NLRP13: variants seen among roughly 807,000 people sequenced by gnomAD.
The protein encoded by NLRP13 is NACHT, LRR and PYD domains-containing protein 13.
Under a neutral mutation model 94.4 loss-of-function variants are expected in NLRP13, and 82 were observed. That is an observed-to-expected ratio of 0.87 (90% CI 0.73 to 1.04). The LOEUF (loss-of-function observed/expected upper bound fraction) is 1.04, where lower values mean the gene tolerates loss of function less well. NLRP13 is among the 50% of genes least tolerant of loss of function. The probability of loss-of-function intolerance (pLI) is 0.00; values close to 1 mark genes in which losing one functional copy is unlikely to be tolerated. For missense variants in NLRP13, 1,426 were observed against 1,230.8 expected, an observed-to-expected ratio of 1.16 and a Z score of -2.37; for synonymous variants, 553 against 464.7, an observed-to-expected ratio of 1.19 and a Z score of -2.45.
intron 8 of NLRP13, among the ~76,000 whole-genome samples, chr19:55,904,594 T>A (rs568429908): frequency 6.6e-6 from 1 of 152,206 alleles, no homozygotes; most frequent in East Asian, 1.9e-4. Context: ...ATGTCACTCA[T>A]AAAACTATAC....
At chr19:55,915,968 A>C (rs1481766777) in intron 4 of NLRP13, among the ~76,000 whole-genome samples, 1 of 152,180 alleles carries the variant, frequency 6.6e-6, no homozygotes, top group Non-Finnish European at 1.5e-5. Context: ...AACCCAATAC[A>C]AAAGCTGCTA....
chr19:55,924,530 C>T, intron 3 of NLRP13, 60 bp downstream of exon 3: 1 of 1,199,580 alleles, frequency 8.3e-7, no homozygotes, highest in African/African-American at 1.5e-5. Flanking sequence ...CAAATGTGGA[C>T]CAATGAAACG....
At chr19:55,924,870 A>C in intron 2 of NLRP13, 97 bp downstream of exon 2, 1 of 1,112,364 alleles carries the variant, frequency 9.0e-7, no homozygotes, top group South Asian at 1.3e-5. Context: ...ATGCACTATA[A>C]ATTCAAGAAA....
intron 4 of NLRP13, among the ~76,000 whole-genome samples, chr19:55,914,337 A>G (rs1986625981): frequency 6.6e-6 from 1 of 152,176 alleles, no homozygotes; most frequent in South Asian, 2.1e-4. Context: ...CTGGATCGTG[A>G]TTATCTTTGC....
intron 7 of NLRP13, among the ~76,000 whole-genome samples, chr19:55,907,195 T>G (rs751964483): frequency 4.6e-5 from 7 of 151,934 alleles, no homozygotes; most frequent in Non-Finnish European, 1.0e-4. Context: ...CCTGACCTCA[T>G]GATTTGCCCC....
downstream of NLRP13, among the ~76,000 whole-genome samples, chr19:55,893,126 C>T (rs1179945505): frequency 2.0e-5 from 3 of 152,128 alleles, no homozygotes; most frequent in Non-Finnish European, 4.4e-5. Context: ...TGGTGGCTCA[C>T]ACCTGTAATC....
chr19:55,899,608 CA>C (rs1986109754), intron 9 of NLRP13, among the ~76,000 whole-genome samples: 1 of 152,076 alleles, frequency 6.6e-6, no homozygotes, highest in Non-Finnish European at 1.5e-5. Flanking sequence ...GGTGAAACCC[CA>C]TCTCTACTAA....
intron 4 of NLRP13, among the ~76,000 whole-genome samples, chr19:55,915,194 T>G (rs1986646601): frequency 6.6e-6 from 1 of 152,168 alleles, no homozygotes; most frequent in South Asian, 2.1e-4. Context: ...TCAGAAAAAG[T>G]AGATTTTAAG....
intron 4 of NLRP13, among the ~76,000 whole-genome samples, 182 bp from the exon 5 acceptor site, chr19:55,913,475 G>A (rs1283514236): frequency 2.0e-5 from 3 of 146,914 alleles, no homozygotes; most frequent in South Asian, 2.2e-4. Flanking sequence ...GCGTGAACCC[G>A]GGAGGCGGAG....
intron 4 of NLRP13, among the ~76,000 whole-genome samples, 172 bp downstream of exon 4, chr19:55,923,742 C>A (rs942040275): frequency 2.0e-5 from 3 of 152,062 alleles, no homozygotes; most frequent in African/African-American, 7.3e-5. Context: ...GCGGGTTGGA[C>A]CTGGCATTTT....
chr19:55,914,250 C>G (rs1256430930), intron 4 of NLRP13, among the ~76,000 whole-genome samples: 1 of 152,168 alleles, frequency 6.6e-6, no homozygotes. Flanking sequence ...TTCTTAGAGG[C>G]CTTCTGGGGC....
intron 7 of NLRP13, among the ~76,000 whole-genome samples, chr19:55,906,756 C>T (rs921721777): frequency 1.7e-4 from 2 of 11,666 alleles, no homozygotes; most frequent in Non-Finnish European, 3.1e-4. Context: ...GTTTACAGAC[C>T]CCCCCCTGCT....
At chr19:55,892,805 C>A (rs143772591), downstream of NLRP13, among the ~76,000 whole-genome samples, 4 of 152,296 alleles carry the variant, frequency 2.6e-5, no homozygotes, top group East Asian at 7.7e-4. Context: ...TCTGTTCCTG[C>A]ATTAGTTCAC....
At chr19:55,925,808 A>G (rs1212621135) in intron 1 of NLRP13, among the ~76,000 whole-genome samples, 1 of 152,176 alleles carries the variant, frequency 6.6e-6, no homozygotes, top group African/African-American at 2.4e-5. Flanking sequence ...CACTGTTTAC[A>G]TGGCTTGTTC....
Position 55,911,703 on chromosome 19 carries a change from C to T in NLRP13, c.2111+3G>A. On this transcript the variant is annotated splice_donor_region_variant and intron_variant, in intron 5 of 10. Transcript: ENST00000342929. ...TGAGAAAGAAATGGTTTGTAATACT[C>T]ACTCCAGAATTTCCAAGTCCCTTTC... 1 of 1,586,928 alleles carries T rather than the reference C, an allele frequency of 6.3e-7. No homozygotes were observed. The highest frequency in any genetic ancestry group is 1.2e-5 in the South Asian group (1 of 86,478).
At chr19:55,895,915 T>TG, downstream of NLRP13, 1 of 1,607,106 alleles carries the variant, frequency 6.2e-7, no homozygotes, top group Non-Finnish European at 8.5e-7. Flanking sequence ...TGTCCCTGTA[T>TG]GTTCTCCCCT....
Position 55,924,666 on chromosome 19 carries a change from A to C in NLRP13, c.389-8T>G, listed in dbSNP as rs1250355562. ...CCTGGGTCTGCATATTCCCTGAAAT[A>C]AACATTGACGATGAGATATGAAAAT... is the stretch of plus-strand genomic sequence containing the variant. On this transcript the variant is annotated splice_region_variant and splice_polypyrimidine_tract_variant and intron_variant, in intron 2 of 10. Transcript: ENST00000342929. 3 of 1,611,446 alleles carry C rather than the reference A, an allele frequency of 1.9e-6. No homozygotes were observed. The African/African-American group carries it at 4.0e-5, about 21-fold the overall frequency.
At chr19:55,915,430 T>C (rs1397468433) in intron 4 of NLRP13, among the ~76,000 whole-genome samples, 1 of 151,916 alleles carries the variant, frequency 6.6e-6, no homozygotes, top group Admixed American at 6.6e-5. Context: ...AAACCCCATC[T>C]CTACTAAAAA....
intron 4 of NLRP13, among the ~76,000 whole-genome samples, chr19:55,918,072 C>A (rs1434027165): frequency 1.3e-5 from 2 of 151,854 alleles, no homozygotes; most frequent in African/African-American, 4.8e-5. Flanking sequence ...TTTTCTCAGA[C>A]TACAGTGAAA....
Sources: allele counts gnomAD v4.1 joint callset (sites outside exome capture counted in the v4.1 genomes callset), GRCh38; gene constraint gnomAD v4.1.1; transcripts MANE v1.5; gene names NCBI Gene and HGNC (gene_info 2026-07-23, HGNC 2026-07-21).